EFNA5: variants seen among roughly 807,000 people sequenced by gnomAD.
The protein encoded by EFNA5 is ephrin A5, also known as ephrin-A5.
In EFNA5, 5 loss-of-function variants were observed where a neutral mutation model predicts 22.9. The ratio of observed to expected loss-of-function variants is 0.22; its 90% CI spans 0.11 to 0.46. The LOEUF is 0.46. Among genes scored for constraint, EFNA5 ranks in the 20% least tolerant of loss-of-function variants. The probability of loss-of-function intolerance (pLI) is 0.99; values close to 1 mark genes in which losing one functional copy is unlikely to be tolerated. For missense variants in EFNA5, 237 were observed against 293.3 expected (o/e 0.81, Z 1.40); for synonymous variants, 113 against 112.2 (o/e 1.01, Z -0.04).
At chr5:107,544,707 G>A (rs1420583430) in intron 1 of EFNA5, among the ~76,000 whole-genome samples, 4 of 152,256 alleles carry the variant, frequency 2.6e-5, no homozygotes, top group East Asian at 3.9e-4. Context: ...TATGGCACTC[G>A]TCACGTCACC....
rs527923066 is a variant in EFNA5, at chr5:107,419,103, A to C, written c.418+8114T>G. 1.4e-4 allele frequency among the ~76,000 whole-genome samples: 22 copies of C among 152,362 alleles called. No homozygotes were observed. The East Asian group carries it at 4.2e-3, about 29-fold the overall frequency. ...AAGGCAGAGGTACAGGTCTAGCTCC[A>C]ACAGCACCTGAGCTGATGCTGCGTA... On this transcript the variant is annotated intron_variant, in intron 2 of 4. Coordinates refer to ENST00000333274, the MANE Select transcript of EFNA5 (RefSeq NM_001962.3).
chr5:107,412,447 T>A (rs911767956), intron 2 of EFNA5, among the ~76,000 whole-genome samples: 5 of 152,218 alleles, frequency 3.3e-5, no homozygotes, highest in Non-Finnish European at 5.9e-5. Context: ...TAAAACTTGA[T>A]GAAACATCTG....
In EFNA5 at chr5:107,558,278, T is replaced by G. The variant is rs1452394213; in HGVS notation, c.125+112211A>C. Among the ~76,000 whole-genome samples the G allele has an allele frequency of 2.6e-5, 4 of 152,100 alleles. No individual in the cohort carries two copies. The East Asian group carries it at 7.7e-4, about 29-fold the overall frequency. ...ACAGATTATACTGTTTTTTTTTTGT[T>G]GTTTATTTTTTGTTTTTAAGTAACT... On this transcript the variant is annotated intron_variant, in intron 1 of 4. Transcript: ENST00000333274.
At chr5:107,566,862 A>G (rs1748676263) in intron 1 of EFNA5, among the ~76,000 whole-genome samples, 1 of 152,226 alleles carries the variant, frequency 6.6e-6, no homozygotes, top group Admixed American at 6.5e-5. Context: ...ATACTTCCAA[A>G]TATGTCCTTA....
intron 1 of EFNA5, among the ~76,000 whole-genome samples, chr5:107,665,298 T>C (rs186622410): frequency 1.3e-5 from 2 of 152,226 alleles, no homozygotes; most frequent in Non-Finnish European, 2.9e-5. Flanking sequence ...ACCAGGCCAG[T>C]GGACAGAATG....
At chr5:107,616,693 A>G (rs879841010) in intron 1 of EFNA5, among the ~76,000 whole-genome samples, 2 of 152,204 alleles carry the variant, frequency 1.3e-5, no homozygotes, top group Non-Finnish European at 2.9e-5. Context: ...TATCCTGTCA[A>G]TTATAACAAG....
At chr5:107,525,723 A>G (rs556145207) in intron 1 of EFNA5, among the ~76,000 whole-genome samples, 6 of 152,134 alleles carry the variant, frequency 3.9e-5, no homozygotes, top group Non-Finnish European at 8.8e-5. Context: ...AGAAGGAGAA[A>G]GAAGAGGGGT....
At chr5:107,585,320 C>T (rs931838946) in intron 1 of EFNA5, among the ~76,000 whole-genome samples, 1 of 152,160 alleles carries the variant, frequency 6.6e-6, no homozygotes, top group Non-Finnish European at 1.5e-5. Context: ...CTGGCTTATT[C>T]CTATTGCACT....
chr5:107,506,158 A>G (rs1444552346), intron 1 of EFNA5: 2 of 152,284 alleles, frequency 1.3e-5, no homozygotes, highest in Non-Finnish European at 2.9e-5. Context: ...CCCTTCCCAG[A>G]TTTCCCTCAG....
Position 107,378,356 on chromosome 5 carries a change from C to G in EFNA5, c.*2899G>C, listed in dbSNP as rs866051166. ...ATTTCCCTGCTTGATGTTGCAAAGC[C>G]CTTGGCAACCAGGGGCAAAGGTCAC... On this transcript the variant is annotated 3_prime_UTR_variant, in exon 5 of 5. Coordinates refer to ENST00000333274, the MANE Select transcript of EFNA5 (RefSeq NM_001962.3). 1 of 152,132 alleles carries G rather than the reference C, an allele frequency of 6.6e-6. No individual in the cohort carries two copies. The highest frequency in any genetic ancestry group is 2.4e-5 in the African/African-American group (1 of 41,464). 9.4% of individuals were successfully genotyped at this position (152,132 alleles called of 1,614,324 possible).
chr5:107,670,603 A>G lies in EFNA5; in HGVS notation c.11T>C (p.Val4Ala). 6.2e-7 allele frequency: 1 copy of G among 1,601,342 alleles called. No individual in the cohort carries two copies. The highest frequency in any genetic ancestry group is 8.5e-7 in the Non-Finnish European group (1 of 1,174,098). The change falls in exon 1 of 5, where the codon GTG becomes GCG. Residue 4 changes from valine to alanine, a missense_variant. Physicochemically the swap from Val to Ala is moderately conservative, Grantham distance 64. This residue lies in a region of EFNA5 where 120 missense variants were observed against 140.5 expected (regional missense o/e 0.85). Coordinates refer to ENST00000333274, the MANE Select transcript of EFNA5 (RefSeq NM_001962.3). Reference sequence around the variant, plus strand: ...CAGAAACACCAGCGTCAACATCTCCACGTGCAACATCACGCCTGGCCAGCG... The same window carrying G: ...CAGAAACACCAGCGTCAACATCTCCGCGTGCAACATCACGCCTGGCCAGCG... MLH[V>A]EMLTLVFLVL...
chr5:107,630,447 T>C (rs1053543522), intron 1 of EFNA5, among the ~76,000 whole-genome samples: 2 of 152,216 alleles, frequency 1.3e-5, no homozygotes, highest in Non-Finnish European at 2.9e-5. Context: ...GGTAAATATT[T>C]GCATATCTAA....
chr5:107,535,872 T>C (rs1352594617), intron 1 of EFNA5, among the ~76,000 whole-genome samples: 30 of 152,238 alleles, frequency 2.0e-4, no homozygotes, highest in Admixed American at 2.0e-3. Context: ...CTAACATGGT[T>C]TGTTTTATAA....
chr5:107,504,635 C>T (rs1016698867), intron 1 of EFNA5, among the ~76,000 whole-genome samples: 6 of 152,154 alleles, frequency 3.9e-5, no homozygotes, highest in African/African-American at 1.4e-4. Flanking sequence ...CATTTAACTG[C>T]TCTATGATTC....
At chr5:107,479,130 G>A (rs574705943) in intron 1 of EFNA5, among the ~76,000 whole-genome samples, 1 of 152,308 alleles carries the variant, frequency 6.6e-6, no homozygotes, top group African/African-American at 2.4e-5. Flanking sequence ...TTAGTTTGTA[G>A]AGATTTGTTC....
chr5:107,565,074 T>C (rs914967457), intron 1 of EFNA5, among the ~76,000 whole-genome samples: 1 of 152,188 alleles, frequency 6.6e-6, no homozygotes, highest in Non-Finnish European at 1.5e-5. Flanking sequence ...AAGTCCACGC[T>C]GGAACTAATT....
intron 4 of EFNA5, among the ~76,000 whole-genome samples, chr5:107,383,313 A>T (rs1320763051): frequency 6.6e-6 from 1 of 152,220 alleles, no homozygotes; most frequent in Non-Finnish European, 1.5e-5. Context: ...GAAAAAATAT[A>T]TATAAAGTCC....
chr5:107,655,446 T>C (rs1750801966), intron 1 of EFNA5, among the ~76,000 whole-genome samples: 1 of 152,162 alleles, frequency 6.6e-6, no homozygotes, highest in Non-Finnish European at 1.5e-5. Flanking sequence ...TATGCAGAGT[T>C]CACAGTGTTC....
intron 1 of EFNA5, among the ~76,000 whole-genome samples, chr5:107,571,517 A>G (rs1295543811): frequency 4.0e-5 from 6 of 151,004 alleles, no homozygotes; most frequent in Admixed American, 6.6e-5. Context: ...GAAGCTGCTT[A>G]TAAATTACCA....
Sources: gnomAD v4.1 joint callset for allele counts (sites outside exome capture counted in the v4.1 genomes callset) on GRCh38, gnomAD v4.1.1 for gene constraint, gnomAD v4.1.1 regional missense constraint, MANE v1.5 for transcripts, NCBI Gene and HGNC (gene_info 2026-07-23, HGNC 2026-07-21) for gene names.